The following CDYL2 variants were observed in gnomAD, a reference collection of about 807,000 sequenced individuals.
The protein encoded by CDYL2 is chromodomain Y-like protein 2.
CDYL2 carries 23 observed loss-of-function variants against 49.4 expected under a neutral mutation model. The observed-to-expected ratio is 0.47, with a 90% CI of 0.34 to 0.66. The LOEUF (loss-of-function observed/expected upper bound fraction) is 0.66. Ranked by LOEUF, CDYL2 falls within the 30% of genes least tolerant of loss-of-function variation. The probability of loss-of-function intolerance (pLI) is 0.01; values close to 1 mark genes in which losing one functional copy is unlikely to be tolerated. For synonymous variants in CDYL2, 360 were observed against 268.8 expected (o/e 1.34, Z -3.32); for missense variants, 678 against 656.4 (o/e 1.03, Z -0.36).
At chr16:80,786,234 C>T (rs1466363862) in intron 1 of CDYL2, among the ~76,000 whole-genome samples, 1 of 152,132 alleles carries the variant, frequency 6.6e-6, no homozygotes, top group African/African-American at 2.4e-5. Flanking sequence ...GGCTAATATC[C>T]AGAATCTACA....
At chr16:80,639,592 C>T (rs1338679180) in intron 2 of CDYL2, 1 of 439,144 alleles carries the variant, frequency 2.3e-6, no homozygotes, top group Non-Finnish European at 4.5e-6. Flanking sequence ...CTCCCCCCTG[C>T]AAGGACATCA....
intron 3 of CDYL2, among the ~76,000 whole-genome samples, chr16:80,626,220 T>C (rs958351122): frequency 4.4e-5 from 6 of 136,376 alleles, no homozygotes; most frequent in Non-Finnish European, 9.1e-5. Flanking sequence ...GAGGTTGCAG[T>C]GAACCGAGAT....
intron 3 of CDYL2, among the ~76,000 whole-genome samples, chr16:80,630,618 G>A (rs1266097905): frequency 2.0e-5 from 3 of 152,082 alleles, no homozygotes; most frequent in Non-Finnish European, 4.4e-5. Context: ...ACACAGCAGA[G>A]AACCCCAGGG....
intron 2 of CDYL2, among the ~76,000 whole-genome samples, chr16:80,667,618 T>G (rs1909321755): frequency 6.6e-6 from 1 of 152,218 alleles, no homozygotes; most frequent in African/African-American, 2.4e-5. Context: ...GGCAGTCATT[T>G]TATGAGTACT....
At chr16:80,750,833 A>G (rs564459401) in intron 1 of CDYL2, among the ~76,000 whole-genome samples, 6 of 152,268 alleles carry the variant, frequency 3.9e-5, no homozygotes, top group African/African-American at 1.4e-4. Context: ...TCGTGGCTAA[A>G]CAGTGAAACC....
At chr16:80,629,768 C>T (rs13335525) in intron 3 of CDYL2, among the ~76,000 whole-genome samples, 8,494 of 152,268 alleles carry the variant, frequency 0.056, 723 homozygotes, top group African/African-American at 0.18. Context: ...GAAAAAGCAA[C>T]TTAATTATAA....
chr16:80,682,626 C>A (rs1910012640), intron 2 of CDYL2, among the ~76,000 whole-genome samples: 1 of 152,190 alleles, frequency 6.6e-6, no homozygotes, highest in South Asian at 2.1e-4. Context: ...TTGGGATTGC[C>A]CCATATGAGC....
chr16:80,653,936 C>T (rs563180374), intron 2 of CDYL2, among the ~76,000 whole-genome samples: 1 of 152,252 alleles, frequency 6.6e-6, no homozygotes, highest in Admixed American at 6.5e-5. Flanking sequence ...ATTCCTCAAA[C>T]CCCAGGAGTC....
chr16:80,789,886 G>A (rs1195570396), intron 1 of CDYL2, among the ~76,000 whole-genome samples: 2 of 152,142 alleles, frequency 1.3e-5, no homozygotes, highest in Admixed American at 1.3e-4. Flanking sequence ...TAAAGGTGGT[G>A]AAAACAGACA....
At chr16:80,688,443 G>C (rs763969906) in intron 1 of CDYL2, among the ~76,000 whole-genome samples, 18 of 152,104 alleles carry the variant, frequency 1.2e-4, no homozygotes, top group Non-Finnish European at 2.4e-4. Flanking sequence ...AAAGAATTAA[G>C]ATACAGGAAA....
chr16:80,623,408 C>T (rs574740037), intron 3 of CDYL2, among the ~76,000 whole-genome samples: 2 of 151,892 alleles, frequency 1.3e-5, no homozygotes, highest in East Asian at 1.9e-4. Context: ...GGCACATACC[C>T]TGCAAGATGT....
intron 3 of CDYL2, 167 bp downstream of exon 3, chr16:80,632,852 T>C (rs1238280464): frequency 3.2e-6 from 2 of 620,180 alleles, no homozygotes; most frequent in East Asian, 2.8e-5. Flanking sequence ...TCAAATGGGA[T>C]AATGTATGTA....
At chr16:80,663,110 CCTT>C (rs924293645) in intron 2 of CDYL2, among the ~76,000 whole-genome samples, 5 of 96,456 alleles carry the variant, frequency 5.2e-5, no homozygotes, top group East Asian at 2.3e-4. Context: ...TTGGGGGTCT[CCTT>C]CTAGCCCCCT....
At chr16:80,768,612 A>G (rs756902923) in intron 1 of CDYL2, among the ~76,000 whole-genome samples, 4 of 152,138 alleles carry the variant, frequency 2.6e-5, no homozygotes, top group Non-Finnish European at 4.4e-5. Flanking sequence ...TACTAATCCC[A>G]TCTATGTGGG....
At chr16:80,673,083 C>T (rs1420899786) in intron 2 of CDYL2, among the ~76,000 whole-genome samples, 1 of 151,744 alleles carries the variant, frequency 6.6e-6, no homozygotes, top group African/African-American at 2.4e-5. Flanking sequence ...TTTGGGAGGC[C>T]GAGGTGGGTG....
intron 1 of CDYL2, among the ~76,000 whole-genome samples, chr16:80,795,077 A>C (rs1907729860): frequency 6.6e-6 from 1 of 152,220 alleles, no homozygotes. Flanking sequence ...ATGGCTTGTT[A>C]GTAAGGCCCC....
chr16:80,639,499 T>C (rs7197762), intron 2 of CDYL2, among the ~76,000 whole-genome samples: 28 of 152,304 alleles, frequency 1.8e-4, no homozygotes, highest in African/African-American at 6.7e-4. Flanking sequence ...ACATTCATAA[T>C]ATGCAACATT....
chr16:80,611,986 G>A (rs781554785), intron 5 of CDYL2, among the ~76,000 whole-genome samples: 3 of 152,226 alleles, frequency 2.0e-5, no homozygotes, highest in Admixed American at 6.5e-5. Flanking sequence ...AATCGCAATC[G>A]TTTCCACATG....
chr16:80,693,435 AC>A (rs752877766), intron 1 of CDYL2, among the ~76,000 whole-genome samples: 2 of 152,254 alleles, frequency 1.3e-5, no homozygotes, highest in Non-Finnish European at 2.9e-5. Context: ...ATTAAACAAG[AC>A]AGCAGAAATG....
Sources: gnomAD v4.1 joint callset for allele counts (sites outside exome capture counted in the v4.1 genomes callset) on GRCh38, gnomAD v4.1.1 for gene constraint, MANE v1.5 for transcripts, NCBI Gene and HGNC (gene_info 2026-07-23, HGNC 2026-07-21) for gene names.